The following TTN variants were observed in gnomAD, a reference collection of about 807,000 sequenced individuals.
TTN encodes connectin.
TTN carries 1,525 observed loss-of-function variants against 3,223.0 expected under a neutral mutation model. That is an observed-to-expected ratio of 0.47 (90% CI 0.45 to 0.49). TTN has a LOEUF of 0.49. TTN is among the 20% of genes least tolerant of loss of function. The pLI is 0.00. For missense variants in TTN, 40,786 were observed against 43,424.0 expected (o/e 0.94, Z 5.40); for synonymous variants, 14,094 against 15,161.0 (o/e 0.93, Z 5.17).
chr2:178,635,595 T>C lies in TTN; in HGVS notation c.41729A>G (p.Tyr13910Cys), dbSNP rs1469876306. ...ATTTGGTTCCGCAGGGATTTCATCATATCCTTTGAACCACTTAATGTTTGG... is the reference window on the plus strand; with the variant it reads ...ATTTGGTTCCGCAGGGATTTCATCACATCCTTTGAACCACTTAATGTTTGG... Reference protein sequence around the residue: ...DTPNIKWFKGYDEIPAEPNDK... With the variant: ...DTPNIKWFKGCDEIPAEPNDK... The change falls in exon 227 of 363, where the codon TAT becomes TGT. Residue 13910 changes from tyrosine to cysteine, a missense_variant. Coordinates refer to ENST00000589042, the MANE Select transcript of TTN (RefSeq NM_001267550.2). 6.3e-7 allele frequency: 1 copy of C among 1,593,876 alleles called. No homozygotes were observed. The highest frequency in any genetic ancestry group is 8.6e-7 in the Non-Finnish European group (1 of 1,168,880).
rs1213696680 is a variant in TTN at position 178,567,759 on chromosome 2, C to T, written c.78373G>A (p.Val26125Ile). The change falls in exon 326 of 363, where the codon GTA (valine) becomes ATA (isoleucine). Residue 26125 changes from valine (V) to isoleucine (I), a missense_variant. Physicochemically the swap from Val to Ile is conservative, Grantham distance 29 (BLOSUM62 3). Coordinates refer to ENST00000589042, the MANE Select transcript of TTN (RefSeq NM_001267550.2). ...DGGSMITGYIVEKRDLPDGRW... is the reference protein window; with the variant it reads ...DGGSMITGYIIEKRDLPDGRW... ...CCATCAGGCAAATCACGTTTCTCTA[C>T]AATGTAGCCTGTAATCATACTTCCA... 2 of 1,613,278 alleles carry T rather than the reference C, an allele frequency of 1.2e-6. No individual in the cohort carries two copies. The highest frequency in any genetic ancestry group is 2.7e-5 in the African/African-American group (2 of 74,898).
chr2:178,530,272 C>T lies in TTN; in HGVS notation c.106343G>A (p.Arg35448Gln), dbSNP rs369703073. ...KFAVKATGEP[R>Q]PTAIWTKDGK... ...ATCTTTTGTCCAGATGGCAGTTGGC[C>T]GGGGTTCTCCAGTAGCCTTAACTGC... is the stretch of plus-strand genomic sequence containing the variant. The change falls in exon 358 of 363, where the codon CGG becomes CAG. Residue 35448 changes from arginine to glutamine, a missense_variant. By Grantham distance (43) the Arg-to-Gln change is conservative (BLOSUM62 1). Coordinates refer to ENST00000589042, the MANE Select transcript of TTN (RefSeq NM_001267550.2). 1.7e-5 allele frequency: 28 copies of T among 1,606,974 alleles called. No homozygotes were observed. The highest frequency in any genetic ancestry group is 4.5e-5 in the East Asian group (2 of 44,788).
In TTN at chr2:178,633,614, TA is replaced by T. The variant is rs773834497; in HGVS notation, c.42744del (p.Thr14249LeufsTer2). ...TCTTTGCTCACTTCACACTTCAAAG[TA>T]ATCTCATCCTTCTCCACTGCAGTTT... ...HDKTAVEKDE[I>X]TLKCEVSKDV... On this transcript the variant is annotated frameshift_variant, in exon 232 of 363. Coordinates refer to ENST00000589042, the MANE Select transcript of TTN (RefSeq NM_001267550.2). LOFTEE classifies it high-confidence loss of function. The T allele has an allele frequency of 6.2e-7, 1 of 1,613,278 alleles. No homozygotes were observed. Among genetic ancestry groups the T allele is most frequent in the Non-Finnish European group, 8.5e-7 (1 of 1,179,590 alleles).
intron 43 of TTN, among the ~76,000 whole-genome samples, chr2:178,759,709 A>G (rs979706450): frequency 6.6e-6 from 1 of 152,240 alleles, no homozygotes; most frequent in Admixed American, 6.5e-5. Context: ...TTTGTTACTA[A>G]TGAGCAAAAG....
rs374213386 is a variant in TTN at position 178,530,160 on chromosome 2, T to G, written c.106375-44A>C. 1,021 of 1,566,544 alleles carry G rather than the reference T, an allele frequency of 6.5e-4. 1 individual carries two copies. Among genetic ancestry groups the G allele is most frequent in the Non-Finnish European group, 8.1e-4 (939 of 1,163,154 alleles). On this transcript the variant is annotated intron_variant, in intron 358 of 362. Transcript: ENST00000589042. Reference sequence around the variant, plus strand: ...TTGTGTTTTAAAAAGTGATTTCATTTTAAGCTTTTTTTGGGAAGCTGAATT... The same window carrying G: ...TTGTGTTTTAAAAAGTGATTTCATTGTAAGCTTTTTTTGGGAAGCTGAATT...
Position 178,620,727 on chromosome 2 carries a change from G to A in TTN, c.45883C>T (p.Leu15295=). 1 of 1,612,572 alleles carries A rather than the reference G, an allele frequency of 6.2e-7. No homozygotes were observed. Among genetic ancestry groups the A allele is most frequent in the Non-Finnish European group, 8.5e-7 (1 of 1,179,084 alleles). The change falls in exon 247 of 363, where the codon CTA becomes TTA. Residue 15295 remains leucine, a synonymous_variant. Coordinates refer to ENST00000589042, the MANE Select transcript of TTN (RefSeq NM_001267550.2). ...ATAAATTACTTACCTTCTACTATTAGATTGGCTGCACTTTTAACATTTTCA... is the reference window on the plus strand; with the variant it reads ...ATAAATTACTTACCTTCTACTATTAAATTGGCTGCACTTTTAACATTTTCA... ...RGENVKSAAN[L]IVEEEDLRIV...
In TTN at chr2:178,778,871, T is replaced by C; in HGVS notation, c.4208+3A>G. 13 of 1,613,872 alleles carry C rather than the reference T, an allele frequency of 8.1e-6. No individual in the cohort carries two copies. The highest frequency in any genetic ancestry group is 1.1e-5 in the Non-Finnish European group (13 of 1,179,864). On this transcript the variant is annotated splice_donor_region_variant and intron_variant, in intron 24 of 362. Coordinates refer to ENST00000589042, the MANE Select transcript of TTN (RefSeq NM_001267550.2). ...AAATAACCCAAATTATTACAAGTCT[T>C]ACCTGATTCTGCTCACTGGCTCTAG...
chr2:178,533,528 G>T lies in TTN; in HGVS notation c.103087C>A (p.Pro34363Thr). The change falls in exon 358 of 363, where the codon CCC (proline) becomes ACC (threonine). Residue 34363 changes from proline (P) to threonine (T), a missense_variant. Physicochemically the swap from Pro to Thr is conservative, Grantham distance 38. Coordinates refer to ENST00000589042, the MANE Select transcript of TTN (RefSeq NM_001267550.2). ...HPPPTDSTLR[P>T]MFKRLLANAE... ...TTTGCCAGTAACCTTTTGAACATGG[G>T]TCTTAAGGTACTATCTGTTGGAGGT... 6.2e-7 allele frequency: 1 copy of T among 1,613,882 alleles called. No individual in the cohort carries two copies. The highest frequency in any genetic ancestry group is 1.3e-5 in the African/African-American group (1 of 75,018).
chr2:178,689,683 G>C, intron 122 of TTN, 88 bp from the exon 123 acceptor site: 2 of 1,445,314 alleles, frequency 1.4e-6, no homozygotes, highest in Non-Finnish European at 1.9e-6. Flanking sequence ...CGGGTGGACA[G>C]ACACTTTTGT....
At chr2:178,583,448 GTTA>G (rs887329542) in intron 312 of TTN, 156 bp downstream of exon 312, 2 of 901,654 alleles carry the variant, frequency 2.2e-6, no homozygotes, top group Non-Finnish European at 3.1e-6. Flanking sequence ...AATTTAGCAT[GTTA>G]TTATGATTCT....
In TTN at chr2:178,531,577, C is replaced by G; in HGVS notation, c.105038G>C (p.Arg35013Pro). 1 of 1,613,836 alleles carries G rather than the reference C, an allele frequency of 6.2e-7. No homozygotes were observed. Among genetic ancestry groups the G allele is most frequent in the East Asian group, 2.2e-5 (1 of 44,890 alleles). Residue 35013 changes from arginine (R) to proline (P), a missense_variant, in exon 358 of 363, where the codon CGT becomes CCT. Arg to Pro is a moderately radical substitution (Grantham distance 103). Transcript: ENST00000589042. ...GCCCTTGTAGTTGGTGCACACAGCACGGTAGGTTCCACTGTCATCAGTATG... is the reference window on the plus strand; with the variant it reads ...GCCCTTGTAGTTGGTGCACACAGCAGGGTAGGTTCCACTGTCATCAGTATG... ...DCHTDDSGTY[R>P]AVCTNYKGEA...
At position 178,594,047 on chromosome 2, in the gene TTN, G is replaced by A; in HGVS notation, c.58346C>T (p.Ala19449Val). 1 of 1,613,434 alleles carries A rather than the reference G, an allele frequency of 6.2e-7. No homozygotes were observed. The highest frequency in any genetic ancestry group is 8.5e-7 in the Non-Finnish European group (1 of 1,179,626). The stretch of plus-strand genomic sequence containing the variant: ...GTATTTGCCGGAATCTGAACGTTTG[G>A]CCTTGATCTTCTCTAAAGCAAGTGT... ...PATLALEKIKAKRSDSGKYCV... is the reference protein window; with the variant it reads ...PATLALEKIKVKRSDSGKYCV... The change falls in exon 297 of 363, where the codon GCC becomes GTC. Residue 19449 changes from alanine to valine, a missense_variant. Coordinates refer to ENST00000589042, the MANE Select transcript of TTN (RefSeq NM_001267550.2).
At chr2:178,687,238 T>C (rs2071168855) in intron 127 of TTN, among the ~76,000 whole-genome samples, 1 of 152,226 alleles carries the variant, frequency 6.6e-6, no homozygotes, top group Non-Finnish European at 1.5e-5. Context: ...AAGGAGCTTA[T>C]TGATTTCTCT....
chr2:178,607,675 A>C lies in TTN; in HGVS notation c.53013T>G (p.Ala17671=). 5 of 1,612,948 alleles carry C rather than the reference A, an allele frequency of 3.1e-6. No individual in the cohort carries two copies. The highest frequency in any genetic ancestry group is 4.2e-6 in the Non-Finnish European group (5 of 1,179,340). Reference sequence around the variant, plus strand: ...CCTTGACAGAAACATCCAGTTCCACAGCTGGAGGCTCTGTTGAAAGAGAAC... The same window carrying C: ...CCTTGACAGAAACATCCAGTTCCACCGCTGGAGGCTCTGTTGAAAGAGAAC... ...VTVAEPQEPP[A]VELDVSVKGG... is the part of the protein sequence containing the mutation. The change falls in exon 277 of 363, where the codon GCT becomes GCG. Residue 17671 remains alanine, a synonymous_variant. Transcript: ENST00000589042.
At position 178,612,480 on chromosome 2, in the gene TTN, G is replaced by A. The variant is rs1349579168; in HGVS notation, c.50045C>T (p.Pro16682Leu). The A allele has an allele frequency of 1.2e-6, 2 of 1,612,072 alleles. No homozygotes were observed. Among genetic ancestry groups the A allele is most frequent in the East Asian group, 2.2e-5 (1 of 44,550 alleles). The change falls in exon 266 of 363, where the codon CCC becomes CTC. Residue 16682 changes from proline (P) to leucine (L), a missense_variant. Pro to Leu is a moderately conservative substitution (Grantham distance 98). Transcript: ENST00000589042. The stretch of plus-strand genomic sequence containing the variant: ...CTTTTCCACAATGTAGTTGGTGATG[G>A]GGGACCCTCCATCTTTCTCAGGAAC... ...WTVPEKDGGS[P>L]ITNYIVEKRD...
At position 178,789,378 on chromosome 2, in the gene TTN, G is replaced by A; in HGVS notation, c.2058C>T (p.Ile686=). 6.2e-7 allele frequency: 1 copy of A among 1,613,332 alleles called. No homozygotes were observed. Among genetic ancestry groups the A allele is most frequent in the Non-Finnish European group, 8.5e-7 (1 of 1,179,450 alleles). The change falls in exon 13 of 363, where the codon ATC becomes ATT. Residue 686 remains isoleucine, a synonymous_variant. Coordinates refer to ENST00000589042, the MANE Select transcript of TTN (RefSeq NM_001267550.2). ...RETMATRQEQ[I]QVTHGKVDVG... Reference sequence around the variant, plus strand: ...TAGTCACCTTTCCATGGGTAACTTGGATTTGTTCTTGTCTAGTAGCCATAG... The same window carrying A: ...TAGTCACCTTTCCATGGGTAACTTGAATTTGTTCTTGTCTAGTAGCCATAG...
In TTN at chr2:178,579,688, G is replaced by A; in HGVS notation, c.67509C>T (p.Ser22503=). The A allele has an allele frequency of 6.2e-7, 1 of 1,613,222 alleles. No homozygotes were observed. Among genetic ancestry groups the A allele is most frequent in the Non-Finnish European group, 8.5e-7 (1 of 1,179,494 alleles). Residue 22503 remains serine, a synonymous_variant, in exon 319 of 363, where the codon TCC becomes TCT. Coordinates refer to ENST00000589042, the MANE Select transcript of TTN (RefSeq NM_001267550.2). The part of the protein sequence containing the change: ...EENKWQRVMK[S]LSLQYSAKDL... ...CTTTTGCAGAGTACTGTAGGCTTAA[G>A]GATTTCATAACTCGTTGCCACTTAT...
In TTN at chr2:178,567,149, T is replaced by G. The variant is rs746887830; in HGVS notation, c.78983A>C (p.Glu26328Ala). The G allele has an allele frequency of 6.2e-7, 1 of 1,613,548 alleles. No homozygotes were observed. Among genetic ancestry groups the G allele is most frequent in the Non-Finnish European group, 8.5e-7 (1 of 1,179,604 alleles). Reference protein sequence around the residue: ...DISHYVVEKRETSRLAWTVVA... With the variant: ...DISHYVVEKRATSRLAWTVVA... ...AACAGTCCAGGCAAGTCGACTGGTT[T>G]CTCGCTTTTCAACAACATAGTGAGA... The change falls in exon 326 of 363, where the codon GAA (glutamate) becomes GCA (alanine). Residue 26328 changes from glutamate (E) to alanine (A), a missense_variant. Glu to Ala is a moderately radical substitution (Grantham distance 107). Transcript: ENST00000589042.
Position 178,544,332 on chromosome 2 carries a change from C to T in TTN, c.95897G>A (p.Arg31966Lys), listed in dbSNP as rs772097745. 5 of 1,613,740 alleles carry T rather than the reference C, an allele frequency of 3.1e-6. No individual in the cohort carries two copies. In the South Asian group the frequency reaches 4.4e-5, roughly 14 times the overall value. Reference protein sequence around the residue: ...WYRVHTNATIRNTEFTVPDLK... With the variant: ...WYRVHTNATIKNTEFTVPDLK... ...GTCTGGCACAGTGAATTCAGTATTTCTTATTGTGGCATTGGTATGCACTCG... is the reference window on the plus strand; with the variant it reads ...GTCTGGCACAGTGAATTCAGTATTTTTTATTGTGGCATTGGTATGCACTCG... Residue 31966 changes from arginine (R) to lysine (K), a missense_variant, in exon 345 of 363, where the codon AGA becomes AAA. Physicochemically the swap from Arg to Lys is conservative, Grantham distance 26. Coordinates refer to ENST00000589042, the MANE Select transcript of TTN (RefSeq NM_001267550.2).
Sources: allele counts gnomAD v4.1 joint callset (sites outside exome capture counted in the v4.1 genomes callset), GRCh38; gene constraint gnomAD v4.1.1; transcripts MANE v1.5; gene names NCBI Gene and HGNC (gene_info 2026-07-23, HGNC 2026-07-21).